The following FBXO38 variants were observed in gnomAD, a reference collection of about 807,000 sequenced individuals.
FBXO38 encodes F-box protein 38.
Under a neutral mutation model 131.9 loss-of-function variants are expected in FBXO38, and 53 were observed. That is an observed-to-expected ratio of 0.40 (90% CI 0.32 to 0.51). The LOEUF (loss-of-function observed/expected upper bound fraction) is 0.51, where lower values mean the gene tolerates loss of function less well. Among genes scored for constraint, FBXO38 ranks in the 20% least tolerant of loss-of-function variants. FBXO38 has a pLI of 0.53. For missense variants in FBXO38, 1,076 were observed against 1,475.6 expected (o/e 0.73, Z 4.44); for synonymous variants, 452 against 505.6 (o/e 0.89, Z 1.42).
chr5:148,422,737 T>C (rs941557829), intron 12 of FBXO38, among the ~76,000 whole-genome samples: 1 of 152,230 alleles, frequency 6.6e-6, no homozygotes, highest in Non-Finnish European at 1.5e-5. Flanking sequence ...TAAAAGCAGT[T>C]GATCAGCAAC....
chr5:148,427,529 T>C lies in FBXO38; in HGVS notation c.2235T>C (p.Asp745=). The C allele has an allele frequency of 6.2e-7, 1 of 1,614,130 alleles. No individual in the cohort carries two copies. The highest frequency in any genetic ancestry group is 8.5e-7 in the Non-Finnish European group (1 of 1,180,016). ...GSSEPSPTEV[D]VSRQCACSPG... is the part of the protein sequence containing the mutation. ...CCGAGCCTAGCCCTACAGAAGTGGA[T>C]GTGTCCAGGCAGTGTGCCTGCTCCC... Residue 745 remains aspartate (D), a synonymous_variant, in exon 15 of 22, where the codon GAT becomes GAC. Transcript: ENST00000340253.
intron 2 of FBXO38, among the ~76,000 whole-genome samples, chr5:148,398,257 T>C (rs1347352434): frequency 6.6e-6 from 1 of 152,066 alleles, no homozygotes; most frequent in Non-Finnish European, 1.5e-5. Flanking sequence ...AATCTAGGCA[T>C]GTGTGGAGGG....
chr5:148,413,118 A>G (rs1752852468), intron 9 of FBXO38: 1 of 152,172 alleles, frequency 6.6e-6, no homozygotes, highest in South Asian at 2.1e-4. Flanking sequence ...AATGATCCTT[A>G]CCAGGAGCTA....
At chr5:148,387,690 C>CTTTTTTTT (rs142417126) in intron 1 of FBXO38, among the ~76,000 whole-genome samples, 4 of 126,684 alleles carry the variant, frequency 3.2e-5, no homozygotes, top group African/African-American at 5.9e-5. Flanking sequence ...GAATTTATTT[C>CTTTTTTTT]TTTTTTTTTT....
At chr5:148,394,406 G>C (rs1444829920) in intron 1 of FBXO38, among the ~76,000 whole-genome samples, 1 of 152,076 alleles carries the variant, frequency 6.6e-6, no homozygotes, top group Non-Finnish European at 1.5e-5. Flanking sequence ...TTGATACTTG[G>C]AGAAATTGAG....
chr5:148,387,848 C>G (rs1214229241), intron 1 of FBXO38, among the ~76,000 whole-genome samples: 1 of 151,992 alleles, frequency 6.6e-6, no homozygotes, highest in South Asian at 2.1e-4. Flanking sequence ...CATGCCACCA[C>G]ACCCAGCTAA....
At chr5:148,409,815 G>C (rs933964408) in intron 8 of FBXO38, among the ~76,000 whole-genome samples, 1 of 152,150 alleles carries the variant, frequency 6.6e-6, no homozygotes, top group Non-Finnish European at 1.5e-5. Flanking sequence ...CAAGAGACTT[G>C]ATTAGGATTA....
chr5:148,393,188 G>GGGGGTGTGT (rs1420907423), intron 1 of FBXO38, among the ~76,000 whole-genome samples: 15 of 127,082 alleles, frequency 1.2e-4, no homozygotes, highest in African/African-American at 4.0e-4. Flanking sequence ...ACAGAAGAGG[G>GGGGGTGTGT]GTGTGTGTGT....
intron 1 of FBXO38, among the ~76,000 whole-genome samples, chr5:148,384,363 C>A (rs1053609135): frequency 6.6e-6 from 1 of 152,144 alleles, no homozygotes; most frequent in Non-Finnish European, 1.5e-5. Context: ...GACTGTCTCC[C>A]ACCCCGGGCG....
intron 3 of FBXO38, among the ~76,000 whole-genome samples, chr5:148,401,684 T>G (rs988597514): frequency 7.2e-5 from 11 of 152,294 alleles, no homozygotes; most frequent in South Asian, 4.1e-4. Flanking sequence ...CCAAGTTATC[T>G]GGGTTAAAAG....
intron 12 of FBXO38, among the ~76,000 whole-genome samples, chr5:148,419,423 G>T (rs944453519): frequency 6.6e-6 from 1 of 152,054 alleles, no homozygotes; most frequent in Non-Finnish European, 1.5e-5. Context: ...CTGATTTTTG[G>T]TTGAAACAAA....
intron 6 of FBXO38, among the ~76,000 whole-genome samples, chr5:148,406,024 G>A (rs573386696): frequency 1.6e-4 from 24 of 152,278 alleles, no homozygotes; most frequent in African/African-American, 5.8e-4. Flanking sequence ...AGCCTTTAGA[G>A]AATTTACGGA....
intron 4 of FBXO38, 80 bp downstream of exon 4, chr5:148,402,225 C>T (rs772431683): frequency 7.1e-6 from 11 of 1,549,234 alleles, no homozygotes; most frequent in Non-Finnish European, 8.8e-6. Flanking sequence ...TGTTCACTCA[C>T]ATGCAAATCT....
intron 13 of FBXO38, among the ~76,000 whole-genome samples, chr5:148,425,231 A>C (rs1221663848): frequency 6.6e-6 from 1 of 152,192 alleles, no homozygotes; most frequent in African/African-American, 2.4e-5. Context: ...ACTCTTTGAA[A>C]TAGTGAAGGT....
rs7727994 is a variant in FBXO38, at chr5:148,413,821, A to G, written c.1094-315A>G. ...TAAATGATAAAGCTAAAACTTTACC[A>G]TGGTATGAACCAGTATGATAGATCC... On this transcript the variant is annotated intron_variant, in intron 9 of 21. Coordinates refer to ENST00000340253, the MANE Select transcript of FBXO38 (RefSeq NM_205836.3). 5.0e-3 allele frequency: 1,039 copies of G among 207,190 alleles called. 12 individuals are homozygous for G. The highest frequency in any genetic ancestry group is 0.022 in the African/African-American group (982 of 43,798). 12.8% of individuals were successfully genotyped at this position (207,190 alleles called of 1,614,324 possible). A position where few individuals can be genotyped will look rare whatever the true frequency, so the allele number is the denominator to read the frequency against.
chr5:148,409,726 A>G (rs1213858473), intron 8 of FBXO38, among the ~76,000 whole-genome samples: 4 of 152,332 alleles, frequency 2.6e-5, no homozygotes, highest in East Asian at 3.9e-4. Context: ...TTACATATCA[A>G]TGGTCTACCT....
chr5:148,403,098 C>T (rs1752253441), intron 5 of FBXO38, among the ~76,000 whole-genome samples: 1 of 151,988 alleles, frequency 6.6e-6, no homozygotes, highest in African/African-American at 2.4e-5. Flanking sequence ...TTTATAAGAT[C>T]AGGGAGTGAT....
At chr5:148,434,609 G>T (rs1288072005) in intron 17 of FBXO38, 1 of 152,112 alleles carries the variant, frequency 6.6e-6, no homozygotes, top group Non-Finnish European at 1.5e-5. Context: ...GTATGTGTAT[G>T]TATACAGGCA....
At chr5:148,424,182 T>G in intron 13 of FBXO38, 65 bp downstream of exon 13, 8 of 1,496,212 alleles carry the variant, frequency 5.3e-6, no homozygotes, top group Non-Finnish European at 7.2e-6. Context: ...ATGAAGTACA[T>G]GAGACAGCGA....
Sources: allele counts gnomAD v4.1 joint callset (sites outside exome capture counted in the v4.1 genomes callset), GRCh38; gene constraint gnomAD v4.1.1; transcripts MANE v1.5; gene names NCBI Gene and HGNC (gene_info 2026-07-23, HGNC 2026-07-21).